Variants in KCNN2 observed in about 807,000 individuals in gnomAD.
The protein encoded by KCNN2 is small conductance calcium-activated potassium channel protein 2.
In KCNN2, 24 loss-of-function variants were observed where a neutral mutation model predicts 55.5. The ratio of observed to expected loss-of-function variants is 0.43; its 90% CI spans 0.31 to 0.61. The LOEUF is 0.61. Among genes scored for constraint, KCNN2 ranks in the 20% least tolerant of loss-of-function variants. KCNN2 has a pLI of 0.08. For missense variants in KCNN2, 754 were observed against 853.6 expected (o/e 0.88, Z 1.45); for synonymous variants, 431 against 336.1 (o/e 1.28, Z -3.09).
intron 2 of KCNN2, among the ~76,000 whole-genome samples, chr5:114,345,966 A>G (rs1430726436): frequency 6.6e-6 from 1 of 152,214 alleles, no homozygotes; most frequent in Non-Finnish European, 1.5e-5. Context: ...TTTTTTTAGT[A>G]GAGACAGGGT....
At chr5:114,431,868 T>C (rs1759807092) in intron 3 of KCNN2, among the ~76,000 whole-genome samples, 1 of 152,224 alleles carries the variant, frequency 6.6e-6, no homozygotes, top group Non-Finnish European at 1.5e-5. Flanking sequence ...TTGTTTAGTG[T>C]CCAGGTATTT....
chr5:114,405,315 A>G (rs1758898630), intron 3 of KCNN2, among the ~76,000 whole-genome samples: 2 of 152,200 alleles, frequency 1.3e-5, no homozygotes, highest in African/African-American at 4.8e-5. Context: ...TGTATATAAT[A>G]GTTTTCAAAT....
chr5:114,226,757 C>T (rs545357812), intron 2 of KCNN2, among the ~76,000 whole-genome samples: 7 of 151,914 alleles, frequency 4.6e-5, no homozygotes, highest in East Asian at 3.9e-4. Context: ...AAAAATCAAC[C>T]GGGCATGGTG....
chr5:114,073,631 C>A (rs1477623327), intron 1 of KCNN2, among the ~76,000 whole-genome samples: 2 of 152,172 alleles, frequency 1.3e-5, no homozygotes, highest in Non-Finnish European at 2.9e-5. Context: ...AAAATAAATA[C>A]ACATGTCAGC....
chr5:114,138,580 T>C (rs1752216060), intron 1 of KCNN2, among the ~76,000 whole-genome samples: 1 of 152,260 alleles, frequency 6.6e-6, no homozygotes, highest in Non-Finnish European at 1.5e-5. Context: ...TACAAATTGG[T>C]TGTATATTTT....
intron 1 of KCNN2, among the ~76,000 whole-genome samples, chr5:114,105,218 A>G (rs1198579969): frequency 6.6e-6 from 1 of 152,082 alleles, no homozygotes; most frequent in African/African-American, 2.4e-5. Context: ...GTTGCCTTGC[A>G]CACAGATCAT....
chr5:114,287,614 G>A (rs1285575306), intron 2 of KCNN2, among the ~76,000 whole-genome samples: 1 of 151,966 alleles, frequency 6.6e-6, no homozygotes, highest in East Asian at 1.9e-4. Context: ...GGGGGGCAAG[G>A]GGAGGGATAG....
chr5:114,474,066 A>G (rs1761866533), intron 5 of KCNN2, among the ~76,000 whole-genome samples: 1 of 152,192 alleles, frequency 6.6e-6, no homozygotes, highest in Non-Finnish European at 1.5e-5. Flanking sequence ...GTGAAATAAC[A>G]AAATACATTG....
At chr5:114,112,619 A>G (rs561328766) in intron 1 of KCNN2, among the ~76,000 whole-genome samples, 2 of 152,226 alleles carry the variant, frequency 1.3e-5, no homozygotes, top group African/African-American at 4.8e-5. Flanking sequence ...TAGTAAGTAT[A>G]TAAACTGAAT....
intron 3 of KCNN2, among the ~76,000 whole-genome samples, chr5:114,439,838 TA>T (rs1760144144): frequency 6.6e-6 from 1 of 152,204 alleles, no homozygotes; most frequent in Non-Finnish European, 1.5e-5. Context: ...GGTGAGGTTA[TA>T]GGGGTAGAAA....
At chr5:114,429,705 T>C (rs1216112545) in intron 3 of KCNN2, among the ~76,000 whole-genome samples, 1 of 151,990 alleles carries the variant, frequency 6.6e-6, no homozygotes. Context: ...TTTCTCCTAA[T>C]ATATTTTCCA....
chr5:114,207,907 AG>A (rs1319388874), intron 1 of KCNN2, among the ~76,000 whole-genome samples: 4 of 152,218 alleles, frequency 2.6e-5, no homozygotes, highest in African/African-American at 7.2e-5. Context: ...ATAAAGTAAA[AG>A]TCCCATCTCC....
chr5:114,416,789 T>C (rs1050732080), intron 3 of KCNN2, among the ~76,000 whole-genome samples: 9 of 152,222 alleles, frequency 5.9e-5, no homozygotes, highest in Non-Finnish European at 1.2e-4. Context: ...GTATTTAATG[T>C]TGTGGTTTTA....
chr5:114,327,596 A>G (rs1038104750), intron 2 of KCNN2, among the ~76,000 whole-genome samples: 13 of 152,238 alleles, frequency 8.5e-5, no homozygotes, highest in African/African-American at 3.1e-4. Flanking sequence ...TTAGAATTAG[A>G]TAAATTATTT....
intron 3 of KCNN2, among the ~76,000 whole-genome samples, chr5:114,406,142 C>T (rs1323156508): frequency 6.6e-6 from 1 of 151,010 alleles, no homozygotes; most frequent in Non-Finnish European, 1.5e-5. Flanking sequence ...GACCACCCCC[C>T]AGCCCATTCC....
chr5:114,187,506 C>CTT (rs34325633), intron 1 of KCNN2, among the ~76,000 whole-genome samples: 49,739 of 126,338 alleles, frequency 0.39, 10,978 homozygotes, highest in Non-Finnish European at 0.48. Context: ...GTATCTCTGG[C>CTT]TTTTTTTTTT....
chr5:114,136,902 A>G (rs1752184837), intron 1 of KCNN2, among the ~76,000 whole-genome samples: 1 of 152,200 alleles, frequency 6.6e-6, no homozygotes, highest in Non-Finnish European at 1.5e-5. Context: ...ATAAAAGCTT[A>G]GGGTTAATGA....
At chr5:114,155,894 G>A (rs936677864) in intron 1 of KCNN2, among the ~76,000 whole-genome samples, 3 of 151,962 alleles carry the variant, frequency 2.0e-5, no homozygotes, top group Non-Finnish European at 4.4e-5. Context: ...ATTAGATCCT[G>A]TTTGTCAATT....
intron 6 of KCNN2, 37 bp from the exon 7 acceptor site, chr5:114,493,366 G>A (rs770573485): frequency 7.7e-7 from 1 of 1,303,468 alleles, no homozygotes; most frequent in Admixed American, 1.7e-5. Context: ...GCCATAGGAA[G>A]AAGGGAACCT....
Sources: gnomAD v4.1 joint callset for allele counts (sites outside exome capture counted in the v4.1 genomes callset) on GRCh38, gnomAD v4.1.1 for gene constraint, MANE v1.5 for transcripts, NCBI Gene and HGNC (gene_info 2026-07-23, HGNC 2026-07-21) for gene names.